Variants in LUZP2 observed in about 807,000 individuals in gnomAD.
LUZP2 encodes the protein leucine zipper protein 2.
A neutral mutation model predicts 51.6 loss-of-function variants in LUZP2; 52 were observed. That is an observed-to-expected ratio of 1.01 (90% confidence interval 0.81 to 1.27). The LOEUF (loss-of-function observed/expected upper bound fraction) is 1.27. Among genes scored for constraint, LUZP2 ranks in the 50% most tolerant of loss-of-function variants. LUZP2 has a pLI of 0.00. For missense variants in LUZP2, 436 were observed against 395.4 expected (o/e 1.10, Z -0.87); for synonymous variants, 154 against 137.3 (o/e 1.12, Z -0.85).
At chr11:24,724,332 G>A (rs1858392733) in intron 1 of LUZP2, among the ~76,000 whole-genome samples, 1 of 152,122 alleles carries the variant, frequency 6.6e-6, no homozygotes, top group East Asian at 1.9e-4. Flanking sequence ...CATTTTGGGA[G>A]GCTGAGGAGG....
chr11:24,824,347 G>A (rs1324231012), intron 5 of LUZP2, among the ~76,000 whole-genome samples: 1 of 45,092 alleles, frequency 2.2e-5, no homozygotes, highest in Non-Finnish European at 4.2e-5. Context: ...GCCTGAGCAA[G>A]AAGAGCAAAA....
chr11:24,700,384 G>T (rs1316862282), intron 1 of LUZP2, among the ~76,000 whole-genome samples: 1 of 151,936 alleles, frequency 6.6e-6, no homozygotes, highest in Non-Finnish European at 1.5e-5. Context: ...AACTTTTTAG[G>T]TCATAGTTCA....
At chr11:24,899,037 C>G (rs1853184012) in intron 5 of LUZP2, among the ~76,000 whole-genome samples, 1 of 152,060 alleles carries the variant, frequency 6.6e-6, no homozygotes, top group African/African-American at 2.4e-5. Flanking sequence ...TGGCAATTTT[C>G]TTTCACTTTA....
At chr11:25,043,848 G>A (rs1590869329) in intron 9 of LUZP2, among the ~76,000 whole-genome samples, 1 of 146,424 alleles carries the variant, frequency 6.8e-6, no homozygotes, top group African/African-American at 2.5e-5. Context: ...TTTTGCTTTT[G>A]TTGTTGTCAT....
intron 9 of LUZP2, among the ~76,000 whole-genome samples, chr11:25,013,919 G>C (rs909317338): frequency 9.2e-5 from 14 of 152,010 alleles, no homozygotes; most frequent in African/African-American, 3.4e-4. Context: ...CCCATGACAG[G>C]CCCCAGTGTG....
intron 7 of LUZP2, among the ~76,000 whole-genome samples, chr11:24,961,910 G>T: frequency 6.6e-6 from 1 of 151,768 alleles, no homozygotes; most frequent in Non-Finnish European, 1.5e-5. Context: ...CATGTTTAGT[G>T]CTTCCTTCAG....
intron 1 of LUZP2, among the ~76,000 whole-genome samples, chr11:24,696,961 A>C (rs927084514): frequency 9.9e-5 from 15 of 152,108 alleles, no homozygotes; most frequent in African/African-American, 3.4e-4. Context: ...AACTTGAATA[A>C]AAGAAAAACC....
chr11:24,973,566 A>T, intron 7 of LUZP2, among the ~76,000 whole-genome samples: 1 of 151,210 alleles, frequency 6.6e-6, no homozygotes, highest in East Asian at 1.9e-4. Flanking sequence ...ACTTTTTTTG[A>T]CGTGGGCTTT....
At chr11:24,731,865 G>T (rs1395910478) in intron 2 of LUZP2, among the ~76,000 whole-genome samples, 5 of 151,714 alleles carry the variant, frequency 3.3e-5, no homozygotes, top group South Asian at 2.1e-4. Context: ...AAGAGACCTA[G>T]ATATTTGGAG....
At chr11:24,574,108 A>G (rs1215554470) in intron 1 of LUZP2, among the ~76,000 whole-genome samples, 2 of 141,920 alleles carry the variant, frequency 1.4e-5, no homozygotes, top group African/African-American at 2.6e-5. Context: ...TCCTTTGTTT[A>G]ATCCCTTCCT....
intron 9 of LUZP2, among the ~76,000 whole-genome samples, chr11:24,995,531 A>G (rs1336486188): frequency 6.6e-6 from 1 of 150,564 alleles, no homozygotes; most frequent in African/African-American, 2.4e-5. Context: ...ATGTTACCTC[A>G]TTTTTTTCTA....
chr11:25,078,705 A>T lies in LUZP2; in HGVS notation c.*47A>T. ...AACGTCCATTTGCTATTGTCTTCATATTCTTTTTAGACCACAAGCTTGATG... is the reference window on the plus strand; with the variant it reads ...AACGTCCATTTGCTATTGTCTTCATTTTCTTTTTAGACCACAAGCTTGATG... On this transcript the variant is annotated 3_prime_UTR_variant, in exon 12 of 12. Coordinates refer to ENST00000336930, the MANE Select transcript of LUZP2 (RefSeq NM_001009909.4). The T allele has an allele frequency of 7.1e-7, 1 of 1,400,708 alleles. No individual in the cohort carries two copies. Among genetic ancestry groups the T allele is most frequent in the Non-Finnish European group, 9.9e-7 (1 of 1,006,902 alleles). 86.8% of individuals were successfully genotyped at this position (1,400,708 alleles called of 1,614,324 possible). A position where few individuals can be genotyped will look rare whatever the true frequency, so the allele number is the denominator to read the frequency against.
At chr11:24,915,813 C>T (rs1457023218) in intron 7 of LUZP2, among the ~76,000 whole-genome samples, 1 of 151,666 alleles carries the variant, frequency 6.6e-6, no homozygotes, top group East Asian at 1.9e-4. Context: ...ATGGTAAAAA[C>T]CACAATTACT....
intron 4 of LUZP2, among the ~76,000 whole-genome samples, chr11:24,742,051 A>C (rs1565111252): frequency 9.1e-6 from 1 of 110,056 alleles, no homozygotes; most frequent in Non-Finnish European, 1.8e-5. Flanking sequence ...ATAAAAATAA[A>C]TATAATTATA....
chr11:24,978,744 T>G (rs1215740275), intron 8 of LUZP2, among the ~76,000 whole-genome samples: 1 of 151,782 alleles, frequency 6.6e-6, no homozygotes, highest in Non-Finnish European at 1.5e-5. Context: ...AGAATGGATA[T>G]GTATTTTCTA....
At chr11:24,743,071 T>C (rs1859245193) in intron 4 of LUZP2, among the ~76,000 whole-genome samples, 1 of 152,158 alleles carries the variant, frequency 6.6e-6, no homozygotes, top group Non-Finnish European at 1.5e-5. Context: ...TGTATACCAA[T>C]ACTATGCTGT....
At chr11:24,527,021 T>C (rs1184392817) in intron 1 of LUZP2, among the ~76,000 whole-genome samples, 1 of 151,386 alleles carries the variant, frequency 6.6e-6, no homozygotes, top group East Asian at 1.9e-4. Context: ...GAATCCAATT[T>C]TGATGCTTTT....
intron 1 of LUZP2, among the ~76,000 whole-genome samples, chr11:24,608,005 C>A (rs1416029057): frequency 6.6e-6 from 1 of 151,298 alleles, no homozygotes; most frequent in Non-Finnish European, 1.5e-5. Context: ...TCCGCCACCA[C>A]GCCCAGCTAA....
chr11:25,023,833 G>A (rs962366800), intron 9 of LUZP2, among the ~76,000 whole-genome samples: 7 of 152,096 alleles, frequency 4.6e-5, no homozygotes, highest in Non-Finnish European at 7.4e-5. Context: ...GCTATGTTGT[G>A]TCTTTGTTCT....
Sources: gnomAD v4.1 joint callset for allele counts (sites outside exome capture counted in the v4.1 genomes callset) on GRCh38, gnomAD v4.1.1 for gene constraint, MANE v1.5 for transcripts, NCBI Gene and HGNC (gene_info 2026-07-23, HGNC 2026-07-21) for gene names.